TMCC2: variants seen among roughly 807,000 people sequenced by gnomAD.
TMCC2 encodes the protein transmembrane and coiled-coil domain family 2, also known as transmembrane and coiled-coil domains protein 2.
TMCC2 carries 16 observed loss-of-function variants against 49.4 expected under a neutral mutation model. The ratio of observed to expected loss-of-function variants is 0.32; its 90% CI spans 0.22 to 0.49. The LOEUF (loss-of-function observed/expected upper bound fraction) is 0.49, where lower values mean the gene tolerates loss of function less well. Ranked by LOEUF, TMCC2 falls within the 20% of genes least tolerant of loss-of-function variation. The pLI is 0.99. For missense variants in TMCC2, 762 were observed against 989.8 expected (o/e 0.77, Z 3.09); for synonymous variants, 397 against 434.1 (o/e 0.91, Z 1.06).
chr1:205,258,472 G>A (rs1660967890), intron 2 of TMCC2, among the ~76,000 whole-genome samples: 1 of 152,082 alleles, frequency 6.6e-6, no homozygotes, highest in Non-Finnish European at 1.5e-5. Flanking sequence ...AGGCTCCCAG[G>A]CACCAATTAA....
chr1:205,241,965 C>T lies in TMCC2; in HGVS notation c.668C>T (p.Thr223Ile). The T allele has an allele frequency of 6.2e-7, 1 of 1,611,708 alleles. No homozygotes were observed. Among genetic ancestry groups the T allele is most frequent in the South Asian group, 1.1e-5 (1 of 90,990 alleles). ...QHQCRPRSSS[T>I]TDTALLLADG... Reference sequence around the variant, plus strand: ...CAGTGCCGTCCCCGCTCTTCCTCCACCACCGACACTGCTCTGCTGCTGGCC... The same window carrying T: ...CAGTGCCGTCCCCGCTCTTCCTCCATCACCGACACTGCTCTGCTGCTGGCC... The change falls in exon 2 of 5, where the codon ACC (threonine) becomes ATC (isoleucine). Residue 223 changes from threonine (T) to isoleucine (I), a missense_variant. Thr to Ile is a moderately conservative substitution (Grantham distance 89, BLOSUM62 -1). Around this residue, in one of 2 missense-constraint regions of TMCC2, gnomAD observed 322 missense variants for 353.1 expected, o/e 0.91. Transcript: ENST00000358024. The surrounding 1 kb of genome is among the most constrained non-coding windows in gnomAD (Gnocchi z 7.3).
chr1:205,268,789 C>G, intron 2 of TMCC2, 161 bp from the exon 3 acceptor site: 3 of 665,222 alleles, frequency 4.5e-6, no homozygotes, highest in Admixed American at 5.7e-5. Flanking sequence ...TGTGAAAGCC[C>G]TGTGTAAGTG....
At chr1:205,262,009 T>C (rs549607208) in intron 2 of TMCC2, among the ~76,000 whole-genome samples, 1 of 152,322 alleles carries the variant, frequency 6.6e-6, no homozygotes, top group Non-Finnish European at 1.5e-5. Context: ...TTTCTTTCCT[T>C]TGTTAAAGCA....
intron 2 of TMCC2, among the ~76,000 whole-genome samples, chr1:205,254,107 A>G (rs1315322475): frequency 6.6e-6 from 1 of 152,168 alleles, no homozygotes; most frequent in Non-Finnish European, 1.5e-5. Flanking sequence ...ACAGTTGTGA[A>G]GCGGCACGGA....
rs958749417 is a variant in TMCC2 at position 205,256,187 on chromosome 1, T to A, written c.748-12763T>A. ...GGCCATCAGTATTTAAGCCTGGAGT[T>A]CCTCACCAGACTCAAGTGGGTGCAG... On this transcript the variant is annotated intron_variant, in intron 2 of 4. Coordinates refer to ENST00000358024, the MANE Select transcript of TMCC2 (RefSeq NM_014858.4). The A allele has an allele frequency of 3.4e-6, 5 of 1,451,476 alleles. No individual in the cohort carries two copies. The African/African-American group carries it at 7.1e-5, about 21-fold the overall frequency. 89.9% of individuals were successfully genotyped at this position (1,451,476 alleles called of 1,614,324 possible).
intron 2 of TMCC2, among the ~76,000 whole-genome samples, chr1:205,263,643 T>C (rs1268490090): frequency 2.0e-5 from 3 of 151,966 alleles, no homozygotes; most frequent in African/African-American, 7.3e-5. Flanking sequence ...TGAACCATGA[T>C]TACCTTACTG....
At chr1:205,235,840 CAGG>C (rs913000157) in intron 1 of TMCC2, among the ~76,000 whole-genome samples, 1 of 152,080 alleles carries the variant, frequency 6.6e-6, no homozygotes, top group African/African-American at 2.4e-5. Flanking sequence ...GAGGCCGAGG[CAGG>C]GGGGTCACGA....
intron 2 of TMCC2, among the ~76,000 whole-genome samples, chr1:205,262,278 G>C (rs1661148902): frequency 6.6e-6 from 1 of 152,168 alleles, no homozygotes. Flanking sequence ...TGAGGGGTAG[G>C]AAAAAGCCGG....
chr1:205,262,994 C>T (rs950751571), intron 2 of TMCC2, among the ~76,000 whole-genome samples: 6 of 152,096 alleles, frequency 3.9e-5, no homozygotes, highest in African/African-American at 1.2e-4. Context: ...AAGTGGTTGC[C>T]GAGGTGTTCC....
intron 1 of TMCC2, chr1:205,230,232 AG>A: frequency 1.1e-6 from 1 of 915,828 alleles, no homozygotes; most frequent in East Asian, 1.2e-4. Context: ...AGGAGTGAAA[AG>A]GGGGACGACT....
At chr1:205,242,753 G>A (rs1223760622) in intron 2 of TMCC2, among the ~76,000 whole-genome samples, 2 of 152,202 alleles carry the variant, frequency 1.3e-5, no homozygotes, top group African/African-American at 4.8e-5. Context: ...TGCTGTGGGA[G>A]CTTCAAGGGA....
At chr1:205,228,829 A>G in intron 1 of TMCC2, 58 bp downstream of exon 1, 1 of 1,528,356 alleles carries the variant, frequency 6.5e-7, no homozygotes, top group South Asian at 1.2e-5. Context: ...TCGCCACCCC[A>G]CGCAGAAGTG....
chr1:205,235,963 G>A (rs987154145), intron 1 of TMCC2, among the ~76,000 whole-genome samples: 4 of 151,844 alleles, frequency 2.6e-5, no homozygotes, highest in Non-Finnish European at 5.9e-5. Flanking sequence ...TAGCTGCTCG[G>A]GAGGCTGAGG....
intron 2 of TMCC2, among the ~76,000 whole-genome samples, chr1:205,265,857 CCCCAGAA>C (rs1284287450): frequency 4.0e-5 from 6 of 151,494 alleles, no homozygotes; most frequent in Admixed American, 3.9e-4. Flanking sequence ...CTGCACCTGG[CCCCAGAA>C]CCCATTTTCT....
intron 2 of TMCC2, among the ~76,000 whole-genome samples, chr1:205,266,037 C>T (rs1248634053): frequency 1.4e-5 from 2 of 138,672 alleles, no homozygotes; most frequent in Non-Finnish European, 3.2e-5. Flanking sequence ...GTCAGGAGAT[C>T]GCGACCATCC....
At chr1:205,236,555 A>T (rs759568442) in intron 1 of TMCC2, 5 of 152,242 alleles carry the variant, frequency 3.3e-5, no homozygotes, top group Admixed American at 6.5e-5. Context: ...AATGTTAGGG[A>T]CACAGAGATG....
intron 3 of TMCC2, 27 bp downstream of exon 3, chr1:205,269,911 A>C: frequency 6.3e-7 from 1 of 1,593,604 alleles, no homozygotes; most frequent in Non-Finnish European, 8.6e-7. Flanking sequence ...CCCCTCCTGC[A>C]GCCCAGCCGG....
At chr1:205,263,527 C>CA (rs1661201692) in intron 2 of TMCC2, among the ~76,000 whole-genome samples, 4 of 151,818 alleles carry the variant, frequency 2.6e-5, no homozygotes, top group African/African-American at 2.4e-5. Context: ...CCTTTCTCTA[C>CA]AAAAAAATAC....
At chr1:205,234,630 C>G (rs1047363029) in intron 1 of TMCC2, among the ~76,000 whole-genome samples, 6 of 151,914 alleles carry the variant, frequency 3.9e-5, no homozygotes, top group African/African-American at 1.5e-4. Context: ...GGGGGTTAAT[C>G]AGGAAAGTTG....
Sources: gnomAD v4.1 joint callset for allele counts (sites outside exome capture counted in the v4.1 genomes callset) on GRCh38, gnomAD v4.1.1 for gene constraint, gnomAD v4.1.1 regional missense constraint, Gnocchi (gnomAD v3.1) non-coding constraint, MANE v1.5 for transcripts, NCBI Gene and HGNC (gene_info 2026-07-23, HGNC 2026-07-21) for gene names.